PRKX: variants seen among roughly 807,000 people sequenced by gnomAD.
PRKX encodes the protein cAMP-dependent protein kinase catalytic subunit PRKX.
In PRKX, 12 loss-of-function variants were observed where a neutral mutation model predicts 22.0. The ratio of observed to expected loss-of-function variants is 0.54; its 90% CI spans 0.35 to 0.88. The LOEUF (loss-of-function observed/expected upper bound fraction) is 0.88, where lower values mean the gene tolerates loss of function less well. Among genes scored for constraint, PRKX ranks in the 40% least tolerant of loss-of-function variants. PRKX has a pLI of 0.01. For missense variants in PRKX, 217 were observed against 308.0 expected, an observed-to-expected ratio of 0.70 and a Z score of 2.21; for synonymous variants, 134 against 137.7, an observed-to-expected ratio of 0.97 and a Z score of 0.19.
intron 7 of PRKX, among the ~76,000 whole-genome samples, chrX:3,614,634 C>T (rs1360504748): frequency 9.0e-6 from 1 of 111,320 alleles, no homozygotes; most frequent in African/African-American, 3.3e-5. Context: ...GTGTGTATAG[C>T]TAGGGGATGA....
At position 3,615,855 on chromosome X, in the gene PRKX, C is replaced by A; in HGVS notation, c.911G>T (p.Arg304Leu). Residue 304 changes from arginine to leucine, a missense_variant, in exon 7 of 9, where the codon CGC becomes CTC. By Grantham distance (102) the Arg-to-Leu change is moderately radical (BLOSUM62 -2). Coordinates refer to ENST00000262848, the MANE Select transcript of PRKX (RefSeq NM_005044.5). ...ANDVKHHRWF[R>L]SVDWEAVPQR... ...CGGAACAGCTTCCCAGTCCACGGAGCGGAACCACCGATGATGCTTCACATC... is the reference window on the plus strand; with the variant it reads ...CGGAACAGCTTCCCAGTCCACGGAGAGGAACCACCGATGATGCTTCACATC... 1 of 1,207,119 alleles carries A rather than the reference C, an allele frequency of 8.3e-7. No homozygotes were observed. Among genetic ancestry groups the A allele is most frequent in the Non-Finnish European group, 1.1e-6 (1 of 893,076 alleles).
chrX:3,640,078 G>C lies in PRKX; in HGVS notation c.719+1774C>G, dbSNP rs759447722. On this transcript the variant is annotated intron_variant, in intron 4 of 8. Coordinates refer to ENST00000262848, the MANE Select transcript of PRKX (RefSeq NM_005044.5). ...AAAACTCTGGTCTTTACCCCCTGCA[G>C]GGAATCAGAGAGATGTGAGGGAGGA... 1.7e-4 allele frequency among the ~76,000 whole-genome samples: 19 copies of C among 110,826 alleles called. No individual in the cohort carries two copies. In the South Asian group the frequency reaches 7.3e-3, roughly 43 times the overall value.
At chrX:3,635,194 G>T (rs946787659) in intron 4 of PRKX, among the ~76,000 whole-genome samples, 2 of 111,942 alleles carry the variant, frequency 1.8e-5, no homozygotes, top group Non-Finnish European at 3.8e-5. Flanking sequence ...TGAAAGTTCT[G>T]TGGGTTGTTA....
intron 1 of PRKX, among the ~76,000 whole-genome samples, 198 bp from the exon 2 acceptor site, chrX:3,674,964 T>C (rs747886954): frequency 3.6e-5 from 4 of 110,852 alleles, no homozygotes; most frequent in African/African-American, 9.8e-5. Context: ...TTCCACTGAA[T>C]ACAGAAATTG....
chrX:3,631,801 A>AGGCATCTC (rs2146566410), intron 4 of PRKX, among the ~76,000 whole-genome samples: 1 of 111,837 alleles, frequency 8.9e-6, no homozygotes, highest in South Asian at 3.8e-4. Flanking sequence ...GCCCCCAGGA[A>AGGCATCTC]CTGGGAGAGG....
At chrX:3,680,501 C>A (rs1402897118) in intron 1 of PRKX, among the ~76,000 whole-genome samples, 1 of 111,208 alleles carries the variant, frequency 9.0e-6, no homozygotes, top group Non-Finnish European at 1.9e-5. Context: ...CCTCCACACT[C>A]CCAATAAAGA....
intron 1 of PRKX, among the ~76,000 whole-genome samples, chrX:3,694,877 C>T (rs902569661): frequency 9.0e-6 from 1 of 111,574 alleles, no homozygotes; most frequent in African/African-American, 3.3e-5. Context: ...CTGGAGCCCC[C>T]AGGAGCCGGG....
At chrX:3,692,275 G>T (rs1333721281) in intron 1 of PRKX, among the ~76,000 whole-genome samples, 2 of 110,356 alleles carry the variant, frequency 1.8e-5, no homozygotes, top group African/African-American at 6.6e-5. Context: ...GCGTCCCTGG[G>T]CTCCACTCAC....
At chrX:3,689,411 T>TG (rs1188187213) in intron 1 of PRKX, among the ~76,000 whole-genome samples, 1 of 112,437 alleles carries the variant, frequency 8.9e-6, no homozygotes, top group Admixed American at 9.4e-5. Flanking sequence ...TTGCCAGGCA[T>TG]GGTGGCTCGT....
intron 7 of PRKX, 31 bp downstream of exon 7, chrX:3,615,784 A>T: frequency 8.6e-7 from 1 of 1,161,102 alleles, no homozygotes; most frequent in South Asian, 1.9e-5. Flanking sequence ...GAGCTCGGGC[A>T]TACTGAGTCA....
intron 1 of PRKX, among the ~76,000 whole-genome samples, chrX:3,682,068 C>T (rs534707621): frequency 2.7e-5 from 3 of 111,427 alleles, no homozygotes; most frequent in East Asian, 2.8e-4. Flanking sequence ...GGTCACAAAA[C>T]GGAAAAGAAA....
intron 5 of PRKX, among the ~76,000 whole-genome samples, 192 bp downstream of exon 5, chrX:3,626,227 T>C (rs762849450): frequency 1.1e-3 from 121 of 112,486 alleles, no homozygotes; most frequent in Non-Finnish European, 2.0e-3. Flanking sequence ...CTCATTAAAA[T>C]GTGAAGCTAT....
intron 3 of PRKX, 21 bp downstream of exon 3, chrX:3,655,128 C>T: frequency 1.7e-6 from 2 of 1,208,138 alleles, no homozygotes; most frequent in East Asian, 3.0e-5. Context: ...TAGATTCCAT[C>T]GGAGTTCACG....
intron 2 of PRKX, among the ~76,000 whole-genome samples, chrX:3,661,546 T>C (rs1403716258): frequency 2.8e-5 from 3 of 108,857 alleles, no homozygotes; most frequent in Admixed American, 2.0e-4. Context: ...GTTGAAGCTA[T>C]GACTGAACCT....
intron 4 of PRKX, among the ~76,000 whole-genome samples, chrX:3,641,110 G>A (rs1419822463): frequency 9.0e-6 from 1 of 111,415 alleles, no homozygotes; most frequent in Non-Finnish European, 1.9e-5. Context: ...CAGCCCTCAG[G>A]GCTGCTCTGC....
At chrX:3,673,071 C>T (rs745326332) in intron 2 of PRKX, among the ~76,000 whole-genome samples, 9 of 111,387 alleles carry the variant, frequency 8.1e-5, no homozygotes, top group Non-Finnish European at 1.7e-4. Flanking sequence ...TGATTTTGTT[C>T]GGAGCTTAGG....
intron 1 of PRKX, among the ~76,000 whole-genome samples, chrX:3,693,934 C>T (rs1447139030): frequency 1.1e-3 from 91 of 80,172 alleles, no homozygotes; most frequent in South Asian, 6.6e-4. Context: ...AGGGAGACTC[C>T]GTCTCAAAAA....
intron 2 of PRKX, among the ~76,000 whole-genome samples, chrX:3,659,229 G>A (rs1287246355): frequency 9.3e-6 from 1 of 107,294 alleles, no homozygotes; most frequent in Non-Finnish European, 1.9e-5. Context: ...ACTCCAACCT[G>A]GGTGACAGAG....
At chrX:3,626,553 A>G (rs1441983797) in intron 4 of PRKX, 39 bp from the exon 5 acceptor site, 1 of 1,040,651 alleles carries the variant, frequency 9.6e-7, no homozygotes, top group South Asian at 1.9e-5. Flanking sequence ...GTGGGGAGTA[A>G]GCATGGAAAA....
Sources: gnomAD v4.1 joint callset for allele counts (sites outside exome capture counted in the v4.1 genomes callset) on GRCh38, gnomAD v4.1.1 for gene constraint, MANE v1.5 for transcripts, NCBI Gene and HGNC (gene_info 2026-07-23, HGNC 2026-07-21) for gene names.